TULP3: variants seen among roughly 807,000 people sequenced by gnomAD.
TULP3 encodes TUB like protein 3.
TULP3 carries 38 observed loss-of-function variants against 50.7 expected under a neutral mutation model. That is an observed-to-expected ratio of 0.75 (90% CI 0.58 to 0.98). The LOEUF (loss-of-function observed/expected upper bound fraction) is 0.98. TULP3 is among the 50% of genes least tolerant of loss of function. The pLI is 0.00. For missense variants in TULP3, 550 were observed against 568.0 expected, an observed-to-expected ratio of 0.97 and a Z score of 0.32; for synonymous variants, 183 against 196.6, an observed-to-expected ratio of 0.93 and a Z score of 0.58.
intron 1 of TULP3, among the ~76,000 whole-genome samples, chr12:2,898,879 A>G (rs1407922196): frequency 1.3e-5 from 2 of 151,736 alleles, no homozygotes; most frequent in Non-Finnish European, 2.9e-5. Flanking sequence ...GGGTCTCACT[A>G]TGTTGCCCAG....
intron 2 of TULP3, 66 bp downstream of exon 2, chr12:2,909,646 G>T: frequency 6.8e-7 from 1 of 1,477,336 alleles, no homozygotes. Context: ...GATGGTCTTG[G>T]CTCTGAAGCC....
intron 2 of TULP3, among the ~76,000 whole-genome samples, chr12:2,914,409 C>T (rs763069484): frequency 2.6e-5 from 4 of 152,198 alleles, no homozygotes; most frequent in Non-Finnish European, 4.4e-5. Context: ...CAGGCATGAG[C>T]TACCACTCCC....
rs2098171351 is a variant in TULP3 at position 2,890,894 on chromosome 12, C to T, written c.-54C>T. Reference sequence around the variant, plus strand: ...GCGGCGGCGTGCCAGCCTAGCCACTCTAGCGACGGCGGGGAAGAGTGTGTA... The same window carrying T: ...GCGGCGGCGTGCCAGCCTAGCCACTTTAGCGACGGCGGGGAAGAGTGTGTA... On this transcript the variant is annotated 5_prime_UTR_variant, in exon 1 of 11. Coordinates refer to ENST00000448120, the MANE Select transcript of TULP3 (RefSeq NM_003324.5). The T allele has an allele frequency of 3.3e-6, 5 of 1,527,164 alleles. No homozygotes were observed. Among genetic ancestry groups the T allele is most frequent in the South Asian group, 2.5e-5 (2 of 80,988 alleles). 94.6% of individuals were successfully genotyped at this position (1,527,164 alleles called of 1,614,324 possible).
chr12:2,918,633 C>G (rs2098190042), intron 2 of TULP3, among the ~76,000 whole-genome samples: 1 of 152,010 alleles, frequency 6.6e-6, no homozygotes, highest in Non-Finnish European at 1.5e-5. Flanking sequence ...CTCCGCCTCC[C>G]AGGCTCAAGC....
intron 3 of TULP3, among the ~76,000 whole-genome samples, chr12:2,921,641 A>C (rs1353811255): frequency 6.6e-6 from 1 of 152,196 alleles, no homozygotes; most frequent in Non-Finnish European, 1.5e-5. Flanking sequence ...CCTCTAAATC[A>C]AGCCACTGGA....
At position 2,911,664 on chromosome 12, in the gene TULP3, CTTTTTTTTTTTTTTTTTTTTTTTTTTTT is replaced by C. The variant is rs56027951; in HGVS notation, c.93+2100_93+2127del. On this transcript the variant is annotated intron_variant, in intron 2 of 10. Coordinates refer to ENST00000448120, the MANE Select transcript of TULP3 (RefSeq NM_003324.5). ...ACAGGCGTGAGCCACTGCGCCCAGC[CTTTTTTTTTTTTTTTTTTTTTTTTTTTT>C]TTTTTTTTTTTTTTTGAGTCAGTGA... Among the ~76,000 whole-genome samples, 13 of 38,172 alleles carry C rather than the reference CTTTTTTTTTTTTTTTTTTTTTTTTTTTT, an allele frequency of 3.4e-4. No homozygotes were observed. The South Asian group carries it at 8.1e-3, about 24-fold the overall frequency. The allele number at this position is 38,172 out of a possible 152,430, so 25.0% of individuals were successfully genotyped here.
intron 1 of TULP3, among the ~76,000 whole-genome samples, chr12:2,901,167 C>T (rs1034306817): frequency 6.6e-6 from 1 of 151,856 alleles, no homozygotes; most frequent in African/African-American, 2.4e-5. Context: ...GGCTGGAGTG[C>T]AGTGGCACAA....
At chr12:2,920,662 G>A in intron 2 of TULP3, 101 bp from the exon 3 acceptor site, 1 of 1,382,810 alleles carries the variant, frequency 7.2e-7, no homozygotes, top group South Asian at 1.4e-5. Flanking sequence ...TAATTTACAA[G>A]ATGTTTTGTG....
At chr12:2,932,567 G>A (rs1011587293) in intron 6 of TULP3, among the ~76,000 whole-genome samples, 3 of 134,284 alleles carry the variant, frequency 2.2e-5, no homozygotes, top group Admixed American at 8.4e-5. Flanking sequence ...GTGACAGAGT[G>A]AGACCCTATC....
At chr12:2,929,438 A>G (rs908905222) in intron 4 of TULP3, among the ~76,000 whole-genome samples, 2 of 152,154 alleles carry the variant, frequency 1.3e-5, no homozygotes, top group African/African-American at 4.8e-5. Flanking sequence ...GCTAGCTAGG[A>G]CTACAGACAC....
At chr12:2,922,636 TGCCATAGATG>T (rs2098192414) in intron 4 of TULP3, among the ~76,000 whole-genome samples, 1 of 152,186 alleles carries the variant, frequency 6.6e-6, no homozygotes, top group African/African-American at 2.4e-5. Flanking sequence ...AAATACTAGC[TGCCATAGATG>T]GCCATAGATG....
In TULP3 at chr12:2,940,674, C is replaced by G. The variant is rs2098204265; in HGVS notation, c.*1230C>G. On this transcript the variant is annotated 3_prime_UTR_variant, in exon 11 of 11. Transcript: ENST00000448120. The stretch of plus-strand genomic sequence containing the variant: ...CTCCCTCAGACCTCCCTTCTGTGGA[C>G]TGACCTCTCACCTCCGCCTGTTGTT... 4.5e-6 allele frequency: 7 copies of G among 1,551,584 alleles called. No individual in the cohort carries two copies. Among genetic ancestry groups the G allele is most frequent in the Non-Finnish European group, 5.2e-6 (6 of 1,146,982 alleles).
chr12:2,916,848 G>C (rs1438600144), intron 2 of TULP3, among the ~76,000 whole-genome samples: 1 of 152,198 alleles, frequency 6.6e-6, no homozygotes, highest in Non-Finnish European at 1.5e-5. Context: ...CAATACTGAG[G>C]TATAGTAGCT....
chr12:2,913,850 C>T (rs1400654999), intron 2 of TULP3, among the ~76,000 whole-genome samples: 3 of 152,134 alleles, frequency 2.0e-5, no homozygotes, highest in Non-Finnish European at 4.4e-5. Flanking sequence ...ACCTCATGAT[C>T]CGCCTGCCTC....
rs547872210 is a variant in TULP3 at position 2,893,702 on chromosome 12, T to C, written c.41+2714T>C. ...TTCAATGTAAGGATAACAACCAACT[T>C]TTAGGTTTTCTGTGTTTTTTTTTTT... On this transcript the variant is annotated intron_variant, in intron 1 of 10. Coordinates refer to ENST00000448120, the MANE Select transcript of TULP3 (RefSeq NM_003324.5). Among the ~76,000 whole-genome samples the C allele has an allele frequency of 8.9e-5, 12 of 134,968 alleles. No homozygotes were observed. The South Asian group carries it at 2.6e-3, about 29-fold the overall frequency. 88.5% of individuals were successfully genotyped at this position (134,968 alleles called of 152,430 possible).
intron 4 of TULP3, among the ~76,000 whole-genome samples, chr12:2,929,840 C>T (rs1346610820): frequency 6.6e-6 from 1 of 152,164 alleles, no homozygotes; most frequent in East Asian, 1.9e-4. Flanking sequence ...CTGCCCACCT[C>T]AGCCTCCCAA....
intron 2 of TULP3, among the ~76,000 whole-genome samples, chr12:2,912,675 G>A (rs1296838529): frequency 6.6e-6 from 1 of 152,206 alleles, no homozygotes; most frequent in African/African-American, 2.4e-5. Context: ...ATCTGAATCT[G>A]AGAATCACTT....
In TULP3 at chr12:2,938,123, A is replaced by AG; in HGVS notation, c.1034dup (p.Ser345ArgfsTer16). ...TTTTCCCTTTGGACAGAACCATGAC[A>AG]GTTTGCTCTCAAGGTGGCAGAACAG... is the stretch of plus-strand genomic sequence containing the variant. On this transcript the variant is annotated frameshift_variant, in exon 10 of 11. Transcript: ENST00000448120. LOFTEE classifies it high-confidence loss of function. 1 of 1,614,182 alleles carries AG rather than the reference A, an allele frequency of 6.2e-7. No individual in the cohort carries two copies. Among genetic ancestry groups the AG allele is most frequent in the East Asian group, 2.2e-5 (1 of 44,880 alleles).
At chr12:2,907,947 A>T (rs552043325) in intron 1 of TULP3, among the ~76,000 whole-genome samples, 3 of 152,094 alleles carry the variant, frequency 2.0e-5, no homozygotes, top group Admixed American at 2.0e-4. Context: ...GTGTTTTTTT[A>T]TTTGTTTTTT....
Sources: gnomAD v4.1 joint callset for allele counts (sites outside exome capture counted in the v4.1 genomes callset) on GRCh38, gnomAD v4.1.1 for gene constraint, MANE v1.5 for transcripts, NCBI Gene and HGNC (gene_info 2026-07-23, HGNC 2026-07-21) for gene names.